ABHD2: variants seen among roughly 807,000 people sequenced by gnomAD.
The protein encoded by ABHD2 is abhydrolase domain containing 2, acylglycerol lipase, also known as monoacylglycerol lipase ABHD2.
In ABHD2, 20 loss-of-function variants were observed where a neutral mutation model predicts 48.1. The ratio of observed to expected loss-of-function variants is 0.42; its 90% confidence interval spans 0.29 to 0.60. The LOEUF (loss-of-function observed/expected upper bound fraction) is 0.60, where lower values mean the gene tolerates loss of function less well. Among genes scored for constraint, ABHD2 ranks in the 20% least tolerant of loss-of-function variants. The pLI is 0.24. For missense variants in ABHD2, 405 were observed against 550.9 expected, an observed-to-expected ratio of 0.74 and a Z score of 2.65; for synonymous variants, 209 against 214.2, an observed-to-expected ratio of 0.98 and a Z score of 0.21.
the ABHD2 span, among the ~76,000 whole-genome samples, chr15:89,052,549 A>ACACACAC: frequency 8.6e-6 from 1 of 116,916 alleles, no homozygotes; most frequent in African/African-American, 3.7e-5. Flanking sequence ...ACAGACAGAC[A>ACACACAC]GACAGACAGA....
chr15:89,060,252 G>T, the ABHD2 span, among the ~76,000 whole-genome samples: 3 of 151,470 alleles, frequency 2.0e-5, no homozygotes, highest in East Asian at 5.8e-4. Context: ...AACCATGCCC[G>T]GCTAATTTTT....
intron 3 of ABHD2, among the ~76,000 whole-genome samples, chr15:89,130,452 G>A (rs2050201237): frequency 6.6e-6 from 1 of 152,146 alleles, no homozygotes; most frequent in African/African-American, 2.4e-5. Context: ...TCATTGGTTT[G>A]GGTGTCCAAG....
At chr15:89,165,126 G>A (rs2050818548) in intron 5 of ABHD2, among the ~76,000 whole-genome samples, 1 of 152,192 alleles carries the variant, frequency 6.6e-6, no homozygotes, top group South Asian at 2.1e-4. Flanking sequence ...TGCAATGCTT[G>A]CTTTCCAGCT....
Position 89,199,702 on chromosome 15 carries a change from T to C in ABHD2, c.*4279T>C, listed in dbSNP as rs148308475. 0.016 allele frequency: 2,381 copies of C among 152,612 alleles called. 23 individuals are homozygous for C. Among genetic ancestry groups the C allele is most frequent in the Non-Finnish European group, 0.026 (1,792 of 68,026 alleles). The allele number at this position is 152,612 out of a possible 1,614,324, so 9.5% of individuals were successfully genotyped here. A position where few individuals can be genotyped will look rare whatever the true frequency, so the allele number is the denominator to read the frequency against. ...TTGTTCAAAGCCACTTTGGATTGCT[T>C]GGATGCTTCGAACAGCCATGAAAAG... On this transcript the variant is annotated 3_prime_UTR_variant, in exon 11 of 11. Coordinates refer to ENST00000352732, the MANE Select transcript of ABHD2 (RefSeq NM_152924.5). The surrounding 1 kb of genome is among the most constrained non-coding windows in gnomAD (Gnocchi z 4.1).
Position 89,175,759 on chromosome 15 carries a change from TC to T in ABHD2, c.539-51del. On this transcript the variant is annotated intron_variant, in intron 5 of 10. Coordinates refer to ENST00000352732, the MANE Select transcript of ABHD2 (RefSeq NM_152924.5). The surrounding 1 kb of genome is among the most constrained non-coding windows in gnomAD (Gnocchi z 5.7). ...TAGTAACGTTCCAGCTTGCATTTTC[TC>T]CAGATAGGATGCACCTGAAATGATT... is the stretch of plus-strand genomic sequence containing the variant. 6.2e-7 allele frequency: 1 copy of T among 1,603,414 alleles called. No individual in the cohort carries two copies. Among genetic ancestry groups the T allele is most frequent in the Non-Finnish European group, 8.5e-7 (1 of 1,172,960 alleles).
chr15:89,159,451 T>C (rs1447373583), intron 5 of ABHD2, among the ~76,000 whole-genome samples: 1 of 152,142 alleles, frequency 6.6e-6, no homozygotes, highest in Non-Finnish European at 1.5e-5. Flanking sequence ...TGCAGCAGCA[T>C]GGAGAAACCA....
chr15:89,142,449 G>A (rs1335206726), intron 3 of ABHD2, among the ~76,000 whole-genome samples: 2 of 152,190 alleles, frequency 1.3e-5, no homozygotes, highest in Non-Finnish European at 2.9e-5. Context: ...GTTGCAAAGG[G>A]AGAGGCCCCA....
Position 89,140,082 on chromosome 15 carries a change from G to A in ABHD2, c.195-11595G>A, listed in dbSNP as rs541769809. Reference sequence around the variant, plus strand: ...AGTCCCTTTGGACTTGGGTTTTGCAGAAAGAGAGGGGAGTCTGAGGGCAGA... The same window carrying A: ...AGTCCCTTTGGACTTGGGTTTTGCAAAAAGAGAGGGGAGTCTGAGGGCAGA... On this transcript the variant is annotated intron_variant, in intron 3 of 10. Transcript: ENST00000352732. 1.7e-3 allele frequency among the ~76,000 whole-genome samples: 258 copies of A among 152,328 alleles called. 2 individuals carry two copies. Among genetic ancestry groups the A allele is most frequent in the African/African-American group, 5.7e-3 (237 of 41,568 alleles).
the ABHD2 span, among the ~76,000 whole-genome samples, chr15:89,063,954 A>G: frequency 7.2e-5 from 11 of 152,178 alleles, no homozygotes; most frequent in African/African-American, 2.6e-4. Context: ...GGCCACGGAC[A>G]GGTGCCAGTC....
chr15:89,116,624 T>C lies in ABHD2; in HGVS notation c.194+103T>C. On this transcript the variant is annotated intron_variant, in intron 3 of 10. Transcript: ENST00000352732. This position sits in a 1 kb window ranked among gnomAD's most constrained non-coding sequence, Gnocchi z 4.6. ...TCTCATCGTGTCCTTAAGGCATCAA[T>C]GGGATATGACGTCACTGGTGTTAAA... 7.8e-7 allele frequency: 1 copy of C among 1,274,032 alleles called. No individual in the cohort carries two copies. Among genetic ancestry groups the C allele is most frequent in the Non-Finnish European group, 1.1e-6 (1 of 918,874 alleles). The allele number at this position is 1,274,032 out of a possible 1,614,324, so 78.9% of individuals were successfully genotyped here.
intron 1 of ABHD2, among the ~76,000 whole-genome samples, chr15:89,105,859 T>A (rs983581797): frequency 2.0e-5 from 3 of 151,348 alleles, no homozygotes; most frequent in African/African-American, 7.3e-5. Context: ...TGAGAGGAGG[T>A]CTTTTTTTTT....
intron 1 of ABHD2, 90 bp from the exon 2 acceptor site, chr15:89,113,635 C>G (rs2049910505): frequency 1.3e-5 from 2 of 152,200 alleles, no homozygotes; most frequent in Admixed American, 1.3e-4. Context: ...TCCCTAAAGA[C>G]TTTAAATGCA....
chr15:89,120,008 C>T lies in ABHD2; in HGVS notation c.194+3487C>T, dbSNP rs982523131. Among the ~76,000 whole-genome samples, 1 of 152,152 alleles carries T rather than the reference C, an allele frequency of 6.6e-6. No homozygotes were observed. Among genetic ancestry groups the T allele is most frequent in the Admixed American group, 6.5e-5 (1 of 15,276 alleles). On this transcript the variant is annotated intron_variant, in intron 3 of 10. Coordinates refer to ENST00000352732, the MANE Select transcript of ABHD2 (RefSeq NM_152924.5). This position sits in a 1 kb window ranked among gnomAD's most constrained non-coding sequence, Gnocchi z 4.2. The stretch of plus-strand genomic sequence containing the variant: ...CAAGCTGTGAATATTAGTCAGTAAT[C>T]CTGACCGCGGGTAGCTGGTTATGAT...
At chr15:89,107,836 G>T (rs900680864) in intron 1 of ABHD2, among the ~76,000 whole-genome samples, 1 of 152,252 alleles carries the variant, frequency 6.6e-6, no homozygotes, top group Non-Finnish European at 1.5e-5. Context: ...AGCTTGTTGT[G>T]CTAGGTCCTT....
chr15:89,143,248 C>A (rs1439257526), intron 3 of ABHD2, among the ~76,000 whole-genome samples: 2 of 152,108 alleles, frequency 1.3e-5, no homozygotes, highest in Non-Finnish European at 2.9e-5. Flanking sequence ...TTAGACAATC[C>A]CAGTATTCAA....
intron 3 of ABHD2, among the ~76,000 whole-genome samples, chr15:89,118,708 C>G (rs2050001067): frequency 6.6e-6 from 1 of 152,156 alleles, no homozygotes; most frequent in South Asian, 2.1e-4. Context: ...CATGCAAAAG[C>G]TGCTATTGCC....
chr15:89,195,574 A>C lies in ABHD2; in HGVS notation c.*151A>C, dbSNP rs1295483516. The stretch of plus-strand genomic sequence containing the variant: ...CCACCATGCACACCTGTCTCGGAGT[A>C]GGCAGCTCTTCCTGGGAGCTCCAGG... On this transcript the variant is annotated 3_prime_UTR_variant, in exon 11 of 11. Coordinates refer to ENST00000352732, the MANE Select transcript of ABHD2 (RefSeq NM_152924.5). This position sits in a 1 kb window ranked among gnomAD's most constrained non-coding sequence, Gnocchi z 5.1. 7.8e-6 allele frequency: 6 copies of C among 770,948 alleles called. No homozygotes were observed. The highest frequency in any genetic ancestry group is 1.8e-5 in the African/African-American group (1 of 56,274). The allele number at this position is 770,948 out of a possible 1,614,324, so 47.8% of individuals were successfully genotyped here. A position where few individuals can be genotyped will look rare whatever the true frequency, so the allele number is the denominator to read the frequency against.
rs140528761 is a variant in ABHD2, at chr15:89,201,266, T to G, written c.*5843T>G. 594 of 1,210,212 alleles carry G rather than the reference T, an allele frequency of 4.9e-4. 2 individuals are homozygous for G. In the African/African-American group the frequency reaches 8.1e-3, roughly 16 times the overall value. 75.0% of individuals were successfully genotyped at this position (1,210,212 alleles called of 1,614,324 possible). A position where few individuals can be genotyped will look rare whatever the true frequency, so the allele number is the denominator to read the frequency against. On this transcript the variant is annotated 3_prime_UTR_variant, in exon 11 of 11. Transcript: ENST00000352732. ...ATTTGCTTCTGATAGCTTCATCATTTCTCCCTGAAGTCTTTTACACTCTTC... is the reference window on the plus strand; with the variant it reads ...ATTTGCTTCTGATAGCTTCATCATTGCTCCCTGAAGTCTTTTACACTCTTC...
chr15:89,136,546 G>T, intron 3 of ABHD2: 1 of 306,198 alleles, frequency 3.3e-6, no homozygotes, highest in East Asian at 8.9e-5. Flanking sequence ...TGCCCATCTG[G>T]CTCTCACTTG....
Sources: allele counts gnomAD v4.1 joint callset (sites outside exome capture counted in the v4.1 genomes callset), GRCh38; gene constraint gnomAD v4.1.1; non-coding constraint Gnocchi (gnomAD v3.1); transcripts MANE v1.5; gene names NCBI Gene and HGNC (gene_info 2026-07-23, HGNC 2026-07-21).